The following MARCHF6 variants were observed in gnomAD, a reference collection of about 807,000 sequenced individuals.
MARCHF6 encodes the protein membrane associated ring-CH-type finger 6.
MARCHF6 carries 31 observed loss-of-function variants against 133.7 expected under a neutral mutation model. That is an observed-to-expected ratio of 0.23 (90% CI 0.17 to 0.31). The LOEUF (loss-of-function observed/expected upper bound fraction) is 0.31, where lower values mean the gene tolerates loss of function less well. Ranked by LOEUF, MARCHF6 falls within the 10% of genes least tolerant of loss-of-function variation. The pLI is 1.00. For missense variants in MARCHF6, 723 were observed against 1,121.6 expected, an observed-to-expected ratio of 0.64 and a Z score of 5.08; for synonymous variants, 395 against 402.5, an observed-to-expected ratio of 0.98 and a Z score of 0.22.
chr5:10,372,880 C>G (rs1246193035), intron 1 of MARCHF6, among the ~76,000 whole-genome samples: 1 of 151,968 alleles, frequency 6.6e-6, no homozygotes, highest in Admixed American at 6.6e-5. Flanking sequence ...CCACTGCAAA[C>G]TGGCAAGACA....
intron 15 of MARCHF6, 129 bp from the exon 16 acceptor site, chr5:10,405,429 T>A: frequency 2.9e-6 from 2 of 686,692 alleles, no homozygotes; most frequent in Non-Finnish European, 4.5e-6. Context: ...GAATACCATG[T>A]ACATTTTCTG....
chr5:10,411,837 T>G (rs1460807381), intron 19 of MARCHF6, among the ~76,000 whole-genome samples: 1 of 152,188 alleles, frequency 6.6e-6, no homozygotes, highest in African/African-American at 2.4e-5. Context: ...GAATGGGCAT[T>G]TGGATGTTTT....
chr5:10,435,665 ATATATATATATATATATAT>A lies in MARCHF6; in HGVS notation c.*1982_*2000del. ...TATATATATATATATATATATATAT[ATATATATATATATATATAT>A]ATATATATATATATTTTTTTTTTTT... On this transcript the variant is annotated 3_prime_UTR_variant, in exon 26 of 26. Transcript: ENST00000274140. The A allele has an allele frequency of 1.3e-4, 1 of 7,708 alleles. No individual in the cohort carries two copies. Among genetic ancestry groups the A allele is most frequent in the Non-Finnish European group, 2.1e-4 (1 of 4,760 alleles). 0.5% of individuals were successfully genotyped at this position (7,708 alleles called of 1,614,324 possible). A position where few individuals can be genotyped will look rare whatever the true frequency, so the allele number is the denominator to read the frequency against.
At chr5:10,374,346 A>G (rs1736642107) in intron 1 of MARCHF6, among the ~76,000 whole-genome samples, 1 of 152,156 alleles carries the variant, frequency 6.6e-6, no homozygotes, top group African/African-American at 2.4e-5. Flanking sequence ...TTGGATCTTA[A>G]CGTGCTGCCG....
chr5:10,384,240 A>C (rs1270540960), intron 4 of MARCHF6, among the ~76,000 whole-genome samples: 1 of 152,222 alleles, frequency 6.6e-6, no homozygotes, highest in Non-Finnish European at 1.5e-5. Context: ...AAATATTAGT[A>C]AATTGAACAT....
At position 10,438,216 on chromosome 5, in the gene MARCHF6, TG is replaced by T. The variant is rs528711497; in HGVS notation, c.*4533del. ...TTAGAGTAAAACCAATCAAATCCAT[TG>T]TACATACCTGACCATATGTCCCAGA... On this transcript the variant is annotated 3_prime_UTR_variant, in exon 26 of 26. Transcript: ENST00000274140. 11 of 152,314 alleles carry T rather than the reference TG, an allele frequency of 7.2e-5. No homozygotes were observed. The South Asian group carries it at 2.3e-3, about 32-fold the overall frequency. 9.4% of individuals were successfully genotyped at this position (152,314 alleles called of 1,614,324 possible).
chr5:10,415,409 A>C lies in MARCHF6; in HGVS notation c.1967-79A>C, dbSNP rs1739450177. ...TGTGATATCTTTTTCCTAATGTGAA[A>C]ATACTAACATAACAACATGAAGATG... On this transcript the variant is annotated intron_variant, in intron 20 of 25. Coordinates refer to ENST00000274140, the MANE Select transcript of MARCHF6 (RefSeq NM_005885.4). The C allele has an allele frequency of 2.3e-6, 3 of 1,303,430 alleles. No homozygotes were observed. In the South Asian group the frequency reaches 4.1e-5, roughly 18 times the overall value. 80.7% of individuals were successfully genotyped at this position (1,303,430 alleles called of 1,614,324 possible).
At chr5:10,357,486 A>G (rs1365297562) in intron 1 of MARCHF6, among the ~76,000 whole-genome samples, 38 of 152,176 alleles carry the variant, frequency 2.5e-4, no homozygotes, top group Admixed American at 2.5e-3. Context: ...ATTCATTCGA[A>G]AAGTGTGAAG....
chr5:10,397,425 A>T (rs1286915865), intron 10 of MARCHF6, 81 bp downstream of exon 10: 3 of 1,056,404 alleles, frequency 2.8e-6, no homozygotes, highest in African/African-American at 3.2e-5. Flanking sequence ...TAGGTTTATT[A>T]TTATTTTTTA....
At chr5:10,419,692 A>G (rs1277930813) in intron 22 of MARCHF6, among the ~76,000 whole-genome samples, 1 of 152,136 alleles carries the variant, frequency 6.6e-6, no homozygotes, top group African/African-American at 2.4e-5. Flanking sequence ...CTATTTTGCA[A>G]TACCTAACAA....
At chr5:10,414,581 TC>T in intron 20 of MARCHF6, 79 bp downstream of exon 20, 1 of 1,173,956 alleles carries the variant, frequency 8.5e-7, no homozygotes, top group Non-Finnish European at 1.3e-6. Flanking sequence ...CTTGCTCTGT[TC>T]CCCAGTCTGG....
intron 2 of MARCHF6, among the ~76,000 whole-genome samples, chr5:10,378,539 C>CT (rs1343640854): frequency 5.3e-5 from 8 of 152,014 alleles, no homozygotes. Flanking sequence ...TTAATTGAAC[C>CT]TTTTTTAATG....
chr5:10,385,524 A>C (rs142710198), intron 4 of MARCHF6, among the ~76,000 whole-genome samples: 1 of 152,208 alleles, frequency 6.6e-6, no homozygotes, highest in Non-Finnish European at 1.5e-5. Context: ...AGAGAGCTTC[A>C]TAGATGTGTA....
intron 1 of MARCHF6, among the ~76,000 whole-genome samples, chr5:10,367,368 G>A (rs773689520): frequency 3.3e-5 from 5 of 152,200 alleles, no homozygotes; most frequent in Non-Finnish European, 5.9e-5. Context: ...GGGATATTGT[G>A]TGCTGGGTAT....
chr5:10,378,237 T>C (rs1006112009), intron 2 of MARCHF6, among the ~76,000 whole-genome samples: 1 of 152,246 alleles, frequency 6.6e-6, no homozygotes, highest in Non-Finnish European at 1.5e-5. Flanking sequence ...CTTACATTTA[T>C]GAAGTACTTT....
intron 20 of MARCHF6, among the ~76,000 whole-genome samples, chr5:10,414,963 G>T (rs1245067265): frequency 6.6e-6 from 1 of 151,966 alleles, no homozygotes; most frequent in Non-Finnish European, 1.5e-5. Context: ...AAATTAATAT[G>T]GTATTCTTTG....
At chr5:10,393,157 T>C (rs1737977831) in intron 7 of MARCHF6, among the ~76,000 whole-genome samples, 1 of 152,042 alleles carries the variant, frequency 6.6e-6, no homozygotes, top group African/African-American at 2.4e-5. Flanking sequence ...CCTTGACCTT[T>C]TGGGCTCAAG....
Position 10,433,737 on chromosome 5 carries a change from C to T in MARCHF6, c.*53C>T. 2 of 1,441,296 alleles carry T rather than the reference C, an allele frequency of 1.4e-6. No individual in the cohort carries two copies. Among genetic ancestry groups the T allele is most frequent in the Non-Finnish European group, 9.8e-7 (1 of 1,023,678 alleles). 89.3% of individuals were successfully genotyped at this position (1,441,296 alleles called of 1,614,324 possible). On this transcript the variant is annotated 3_prime_UTR_variant, in exon 26 of 26. Transcript: ENST00000274140. The stretch of plus-strand genomic sequence containing the variant: ...CCCTTTACATGTCCTTTTTTGTGGA[C>T]TTCTCTCTTTGGAGATTTTTCCCAG...
intron 1 of MARCHF6, among the ~76,000 whole-genome samples, chr5:10,356,118 A>G (rs1735442747): frequency 6.6e-6 from 1 of 152,136 alleles, no homozygotes; most frequent in Non-Finnish European, 1.5e-5. Context: ...TAGAGGATTA[A>G]AAATGATATA....
Sources: gnomAD v4.1 joint callset for allele counts (sites outside exome capture counted in the v4.1 genomes callset) on GRCh38, gnomAD v4.1.1 for gene constraint, MANE v1.5 for transcripts, NCBI Gene and HGNC (gene_info 2026-07-23, HGNC 2026-07-21) for gene names.